Variants in POGZ observed in about 807,000 individuals in gnomAD.
The protein encoded by POGZ is pogo transposable element derived with ZNF domain.
Under a neutral mutation model 134.6 loss-of-function variants are expected in POGZ, and 17 were observed. The ratio of observed to expected loss-of-function variants is 0.13; its 90% CI spans 0.09 to 0.19. The LOEUF is 0.19. Among genes scored for constraint, POGZ ranks in the 10% least tolerant of loss-of-function variants. The pLI is 1.00. For synonymous variants in POGZ, 693 were observed against 657.1 expected, an observed-to-expected ratio of 1.05 and a Z score of -0.84; for missense variants, 1,306 against 1,769.7, an observed-to-expected ratio of 0.74 and a Z score of 4.70.
intron 1 of POGZ, among the ~76,000 whole-genome samples, chr1:151,444,319 A>G (rs534788091): frequency 3.3e-5 from 5 of 152,356 alleles, no homozygotes; most frequent in East Asian, 1.9e-4. Flanking sequence ...AATCAAATCC[A>G]TATCACAGGT....
intron 1 of POGZ, 114 bp from the exon 2 acceptor site, chr1:151,442,319 T>C (rs545118704): frequency 1.4e-5 from 11 of 764,814 alleles, no homozygotes; most frequent in Non-Finnish European, 2.3e-5. Flanking sequence ...TTGGACTCCT[T>C]TATCATATCC....
intron 1 of POGZ, among the ~76,000 whole-genome samples, chr1:151,458,773 T>G (rs953280891): frequency 2.1e-5 from 3 of 144,090 alleles, no homozygotes; most frequent in South Asian, 2.2e-4. Context: ...AGCGTGCGTG[T>G]GGACGTCGGG....
chr1:151,440,756 A>T (rs1018488702), intron 3 of POGZ, 172 bp downstream of exon 3: 13 of 529,690 alleles, frequency 2.5e-5, no homozygotes, highest in Non-Finnish European at 4.0e-5. Flanking sequence ...CTTAGAAGGA[A>T]TAGCACCATC....
At chr1:151,434,008 C>T (rs1659168100) in intron 3 of POGZ, among the ~76,000 whole-genome samples, 1 of 151,908 alleles carries the variant, frequency 6.6e-6, no homozygotes, top group African/African-American at 2.4e-5. Context: ...GTGAGACCCC[C>T]ATCTCAAAAA....
chr1:151,419,681 A>AAC (rs1180001422), intron 10 of POGZ, among the ~76,000 whole-genome samples: 1 of 145,298 alleles, frequency 6.9e-6, no homozygotes, highest in Non-Finnish European at 1.5e-5. Context: ...AAAAAAAAAA[A>AAC]AAAAAAAAAA....
chr1:151,453,858 C>T (rs977966768), intron 1 of POGZ, among the ~76,000 whole-genome samples: 1 of 152,048 alleles, frequency 6.6e-6, no homozygotes, highest in East Asian at 1.9e-4. Context: ...ATTGTAAAGG[C>T]AAGATAAAAA....
At chr1:151,445,995 A>T (rs1452192409) in intron 1 of POGZ, among the ~76,000 whole-genome samples, 2 of 151,172 alleles carry the variant, frequency 1.3e-5, no homozygotes, top group African/African-American at 4.9e-5. Flanking sequence ...CTCAAGAAAC[A>T]CCACCATTCT....
chr1:151,404,018 C>T lies in POGZ; in HGVS notation c.*784G>A, dbSNP rs1571315120. ...GAATGGGGAAAGGGGCCAAGGATCACAAGTGCAAAAAATATTGTTTATGTC... is the reference window on the plus strand; with the variant it reads ...GAATGGGGAAAGGGGCCAAGGATCATAAGTGCAAAAAATATTGTTTATGTC... On this transcript the variant is annotated 3_prime_UTR_variant, in exon 19 of 19. Coordinates refer to ENST00000271715, the MANE Select transcript of POGZ (RefSeq NM_015100.4). The T allele has an allele frequency of 1.1e-5, 11 of 985,252 alleles. No individual in the cohort carries two copies. Among genetic ancestry groups the T allele is most frequent in the Non-Finnish European group, 1.3e-5 (11 of 829,830 alleles). The allele number at this position is 985,252 out of a possible 1,614,324, so 61.0% of individuals were successfully genotyped here. A position where few individuals can be genotyped will look rare whatever the true frequency, so the allele number is the denominator to read the frequency against.
chr1:151,439,159 A>C (rs12751531), intron 3 of POGZ: 23,814 of 152,186 alleles, frequency 0.16, 2,158 homozygotes, highest in East Asian at 0.34. Context: ...TTTGAAGTCC[A>C]GAAAATGCAA....
At chr1:151,454,185 T>C (rs529653427) in intron 1 of POGZ, among the ~76,000 whole-genome samples, 1 of 152,340 alleles carries the variant, frequency 6.6e-6, no homozygotes, top group African/African-American at 2.4e-5. Context: ...AAAAGAACAT[T>C]TGGAACAGGA....
rs768095572 is a variant in POGZ, at chr1:151,441,048, T to C, written c.163A>G (p.Ile55Val). The change falls in exon 3 of 19, where the codon ATC (isoleucine) becomes GTC (valine). Residue 55 changes from isoleucine to valine, a missense_variant. Ile to Val is a conservative substitution (Grantham distance 29). Coordinates refer to ENST00000271715, the MANE Select transcript of POGZ (RefSeq NM_015100.4). ...SQQPVSAPVP[I>V]AAHASVAGHL... ...CCAGCAACAGAAGCATGGGCAGCGATGGGCACTGGAGCCGAGACTGGCTGC... is the reference window on the plus strand; with the variant it reads ...CCAGCAACAGAAGCATGGGCAGCGACGGGCACTGGAGCCGAGACTGGCTGC... 13 of 1,613,930 alleles carry C rather than the reference T, an allele frequency of 8.1e-6. No individual in the cohort carries two copies. In the South Asian group the frequency reaches 1.1e-4, roughly 14 times the overall value.
rs188905186 is a variant in POGZ, at chr1:151,458,471, G to A, written c.-2+681C>T. Among the ~76,000 whole-genome samples, 430 of 152,152 alleles carry A rather than the reference G, an allele frequency of 2.8e-3. 2 individuals carry two copies. Among genetic ancestry groups the A allele is most frequent in the Non-Finnish European group, 5.1e-3 (349 of 67,986 alleles). On this transcript the variant is annotated intron_variant, in intron 1 of 18. Coordinates refer to ENST00000271715, the MANE Select transcript of POGZ (RefSeq NM_015100.4). ...AGGATGTACTATTAGACCAAGCAGA[G>A]ATTACATAACACAAGGGATCGGCTC...
At position 151,406,394 on chromosome 1, in the gene POGZ, T is replaced by C. The variant is rs1378217693; in HGVS notation, c.2641A>G (p.Thr881Ala). 3.8e-6 allele frequency: 6 copies of C among 1,574,440 alleles called. No individual in the cohort carries two copies. The highest frequency in any genetic ancestry group is 4.3e-6 in the Non-Finnish European group (5 of 1,162,238). Residue 881 changes from threonine (T) to alanine (A), a missense_variant, in exon 19 of 19, where the codon ACT (threonine) becomes GCT (alanine). By Grantham distance (58) the Thr-to-Ala change is moderately conservative. Around this residue, in one of 10 missense-constraint regions of POGZ, gnomAD observed 214 missense variants for 255.5 expected, o/e 0.84. Transcript: ENST00000271715. ...KNMYPPPSFP[T>A]NKAATVKSAG... ...GATTTCACAGTGGCAGCTTTGTTAG[T>C]GGGGAAGGAAGGAGGAGGGTACATA...
Position 151,446,046 on chromosome 1 carries a change from CT to C in POGZ, c.-1-3842del, listed in dbSNP as rs573169016. ...TGATCCATGGCATACCGTCTTTCAA[CT>C]TTTTTTTTTTTTTTTTTTTAGCCCC... On this transcript the variant is annotated intron_variant, in intron 1 of 18. Coordinates refer to ENST00000271715, the MANE Select transcript of POGZ (RefSeq NM_015100.4). Among the ~76,000 whole-genome samples, 471 of 123,902 alleles carry C rather than the reference CT, an allele frequency of 3.8e-3. 2 individuals are homozygous for C. Among genetic ancestry groups the C allele is most frequent in the African/African-American group, 0.012 (395 of 33,394 alleles). 81.3% of individuals were successfully genotyped at this position (123,902 alleles called of 152,430 possible). A position where few individuals can be genotyped will look rare whatever the true frequency, so the allele number is the denominator to read the frequency against.
rs767456963 is a variant in POGZ at position 151,405,925 on chromosome 1, G to A, written c.3110C>T (p.Thr1037Ile). The change falls in exon 19 of 19, where the codon ACC becomes ATC. Residue 1037 changes from threonine to isoleucine, a missense_variant. By Grantham distance (89) the Thr-to-Ile change is moderately conservative (BLOSUM62 -1). Around this residue, in one of 10 missense-constraint regions of POGZ, gnomAD observed 24 missense variants for 69.6 expected, o/e 0.34. Transcript: ENST00000271715. The surrounding 1 kb of genome is among the most constrained non-coding windows in gnomAD (Gnocchi z 4.9). Reference sequence around the variant, plus strand: ...TACAGGTAGCTGTTGTTCGCGCTGGGTTAGCACCCACTCAGCCAGTTTCTC... The same window carrying A: ...TACAGGTAGCTGTTGTTCGCGCTGGATTAGCACCCACTCAGCCAGTTTCTC... ...AEEKLAEWVL[T>I]QREQQLPVNE... The A allele has an allele frequency of 5.0e-6, 8 of 1,614,044 alleles. No homozygotes were observed. The Admixed American group carries it at 1.2e-4, about 24-fold the overall frequency.
At chr1:151,419,769 T>C (rs1656571780) in intron 10 of POGZ, among the ~76,000 whole-genome samples, 3 of 150,176 alleles carry the variant, frequency 2.0e-5, no homozygotes, top group Non-Finnish European at 4.4e-5. Context: ...AATTGATATA[T>C]GCTAAGGAAA....
At chr1:151,443,195 T>A (rs1660800459) in intron 1 of POGZ, among the ~76,000 whole-genome samples, 1 of 152,220 alleles carries the variant, frequency 6.6e-6, no homozygotes, top group South Asian at 2.1e-4. Context: ...TTTAAAATGA[T>A]GCATTAAAAT....
In POGZ at chr1:151,452,391, C is replaced by T. The variant is rs185383705; in HGVS notation, c.-2+6761G>A. Among the ~76,000 whole-genome samples the T allele has an allele frequency of 2.0e-3, 301 of 151,922 alleles. 1 individual carries two copies. Among genetic ancestry groups the T allele is most frequent in the African/African-American group, 7.0e-3 (292 of 41,510 alleles). On this transcript the variant is annotated intron_variant, in intron 1 of 18. Coordinates refer to ENST00000271715, the MANE Select transcript of POGZ (RefSeq NM_015100.4). ...TTTGAGACAGGGTGTCATTCTATCCCCCAGGCTGGAGTGCAGTGGCACAAT... is the reference window on the plus strand; with the variant it reads ...TTTGAGACAGGGTGTCATTCTATCCTCCAGGCTGGAGTGCAGTGGCACAAT...
chr1:151,441,991 C>T, intron 2 of POGZ, 90 bp downstream of exon 2: 2 of 932,990 alleles, frequency 2.1e-6, no homozygotes, highest in Non-Finnish European at 3.3e-6. Context: ...CTGGATTCTT[C>T]AAGTCCTTTT....
Sources: allele counts gnomAD v4.1 joint callset (sites outside exome capture counted in the v4.1 genomes callset), GRCh38; gene constraint gnomAD v4.1.1; regional missense constraint gnomAD v4.1.1; non-coding constraint Gnocchi (gnomAD v3.1); transcripts MANE v1.5; gene names NCBI Gene and HGNC (gene_info 2026-07-23, HGNC 2026-07-21).